KIAA1217: variants seen among roughly 807,000 people sequenced by gnomAD.
KIAA1217 encodes the protein sickle tail protein homolog.
A neutral mutation model predicts 163.9 loss-of-function variants in KIAA1217; 88 were observed. The ratio of observed to expected loss-of-function variants is 0.54; its 90% CI spans 0.45 to 0.64. KIAA1217 has a LOEUF of 0.64. KIAA1217 is among the 30% of genes least tolerant of loss of function. The pLI is 0.00. For missense variants in KIAA1217, 2,372 were observed against 2,475.0 expected (o/e 0.96, Z 0.88); for synonymous variants, 903 against 923.1 (o/e 0.98, Z 0.39).
intron 2 of KIAA1217, among the ~76,000 whole-genome samples, chr10:24,327,499 G>C (rs752356071): frequency 4.0e-4 from 61 of 152,030 alleles, no homozygotes; most frequent in Non-Finnish European, 7.9e-4. Flanking sequence ...TTTTTTGTTT[G>C]TTTGTTTTTG....
Position 24,546,257 on chromosome 10 carries a change from C to A in KIAA1217, c.5765C>A (p.Thr1922Asn), listed in dbSNP as rs1035500008. ...AGGACCATCCATACTCCCAGCCTCA[C>A]CAGCTACAAGGCACAGAATGGAAGT... ...GTRTIHTPSL[T>N]SYKAQNGSSS... is the part of the protein sequence containing the mutation. Residue 1922 changes from threonine to asparagine, a missense_variant, in exon 21 of 21, where the codon ACC (threonine) becomes AAC (asparagine). Thr to Asn is a moderately conservative substitution (Grantham distance 65). Around this residue, in one of 3 missense-constraint regions of KIAA1217, gnomAD observed 690 missense variants for 677.5 expected, o/e 1.02. Transcript: ENST00000376454. The A allele has an allele frequency of 6.2e-7, 1 of 1,614,038 alleles. No individual in the cohort carries two copies. Among genetic ancestry groups the A allele is most frequent in the African/African-American group, 1.3e-5 (1 of 74,914 alleles).
At chr10:23,736,895 T>C (rs1312560745) in intron 1 of KIAA1217, among the ~76,000 whole-genome samples, 1 of 152,212 alleles carries the variant, frequency 6.6e-6, no homozygotes, top group African/African-American at 2.4e-5. Context: ...TTCTGGGCTA[T>C]TCTTGGCCTT....
chr10:24,350,787 A>G (rs2048357957), intron 2 of KIAA1217, among the ~76,000 whole-genome samples: 1 of 151,642 alleles, frequency 6.6e-6, no homozygotes, highest in Non-Finnish European at 1.5e-5. Context: ...CATGGGAGTT[A>G]GCTGACAGGA....
chr10:23,979,511 A>G (rs989117195), intron 1 of KIAA1217, among the ~76,000 whole-genome samples: 6 of 152,142 alleles, frequency 3.9e-5, no homozygotes, highest in Non-Finnish European at 8.8e-5. Flanking sequence ...TGTGTATGTC[A>G]TTCTTTTTTT....
chr10:23,963,860 T>C (rs565603886), intron 1 of KIAA1217, among the ~76,000 whole-genome samples: 5 of 152,026 alleles, frequency 3.3e-5, no homozygotes, highest in Non-Finnish European at 7.4e-5. Context: ...ATTTCTCTAA[T>C]GAACAGTGAT....
chr10:24,214,623 G>A (rs374217047), intron 1 of KIAA1217, among the ~76,000 whole-genome samples: 7 of 152,292 alleles, frequency 4.6e-5, no homozygotes, highest in South Asian at 2.1e-4. Context: ...GCAGAAGAGC[G>A]TTCTGGTCGA....
intron 2 of KIAA1217, among the ~76,000 whole-genome samples, chr10:24,301,024 G>A (rs1195444496): frequency 2.6e-5 from 4 of 152,144 alleles, no homozygotes; most frequent in African/African-American, 9.7e-5. Flanking sequence ...TGTTGGCCAA[G>A]CCTGTCTTGA....
At chr10:24,041,943 C>CGTGTGT (rs147819815) in intron 2 of KIAA1217, among the ~76,000 whole-genome samples, 4 of 149,408 alleles carry the variant, frequency 2.7e-5, no homozygotes, top group Admixed American at 6.7e-5. Flanking sequence ...AAGGGAGTAT[C>CGTGTGT]GTGTGTGTGT....
chr10:24,349,009 A>G (rs770994842), intron 2 of KIAA1217, among the ~76,000 whole-genome samples: 1 of 151,816 alleles, frequency 6.6e-6, no homozygotes. Context: ...AATTTTGCCT[A>G]TAGTTTCAGC....
At chr10:24,254,641 T>A (rs1359480038) in intron 2 of KIAA1217, among the ~76,000 whole-genome samples, 4 of 152,206 alleles carry the variant, frequency 2.6e-5, no homozygotes. Context: ...TTCACATGAC[T>A]GCACTGCCTT....
At chr10:23,873,850 C>G (rs1840570808) in intron 1 of KIAA1217, among the ~76,000 whole-genome samples, 1 of 152,008 alleles carries the variant, frequency 6.6e-6, no homozygotes. Context: ...TGTAGCACGA[C>G]AGTAAGGCAT....
intron 1 of KIAA1217, among the ~76,000 whole-genome samples, chr10:23,933,157 G>A (rs1021394777): frequency 6.6e-6 from 1 of 152,166 alleles, no homozygotes; most frequent in African/African-American, 2.4e-5. Flanking sequence ...GTGGAGCTAG[G>A]GTCTGCTCGC....
chr10:24,261,653 G>A (rs2075738680), intron 2 of KIAA1217, among the ~76,000 whole-genome samples: 1 of 152,110 alleles, frequency 6.6e-6, no homozygotes, highest in Non-Finnish European at 1.5e-5. Context: ...TTAGACAGTG[G>A]AACCCTCCAT....
rs190645985 is a variant in KIAA1217, at chr10:24,504,309, G to T, written c.2001+2764G>T. On this transcript the variant is annotated intron_variant, in intron 9 of 20. Coordinates refer to ENST00000376454, the MANE Select transcript of KIAA1217 (RefSeq NM_019590.5). ...TGAGCAAATGTGCTTTTGAGCCTGG[G>T]AAGTTGGGCAGTTCTAAAGCGCAGA... Among the ~76,000 whole-genome samples the T allele has an allele frequency of 2.6e-5, 4 of 152,300 alleles. No individual in the cohort carries two copies. The East Asian group carries it at 7.7e-4, about 29-fold the overall frequency.
chr10:24,271,571 C>T (rs1299821022), intron 2 of KIAA1217, among the ~76,000 whole-genome samples: 4 of 151,958 alleles, frequency 2.6e-5, no homozygotes, highest in Non-Finnish European at 5.9e-5. Context: ...GGCAACGTGG[C>T]AAAACCCCAT....
chr10:24,362,001 A>G (rs866254741), intron 2 of KIAA1217, among the ~76,000 whole-genome samples: 32 of 124,770 alleles, frequency 2.6e-4, no homozygotes, highest in East Asian at 8.9e-4. Context: ...AAAAAAAAAA[A>G]AAAGAAAGAA....
intron 1 of KIAA1217, among the ~76,000 whole-genome samples, chr10:23,940,169 T>G (rs1843695696): frequency 6.6e-6 from 1 of 151,956 alleles, no homozygotes; most frequent in Non-Finnish European, 1.5e-5. Flanking sequence ...ATTAGAAATT[T>G]CAGCAGTTGG....
intron 1 of KIAA1217, among the ~76,000 whole-genome samples, chr10:23,798,897 G>T (rs556308864): frequency 1.3e-5 from 2 of 152,210 alleles, no homozygotes; most frequent in East Asian, 1.9e-4. Context: ...GCATGACAAA[G>T]TACCACAAAC....
intron 2 of KIAA1217, among the ~76,000 whole-genome samples, chr10:24,008,669 T>C (rs1564607045): frequency 6.6e-6 from 1 of 152,108 alleles, no homozygotes; most frequent in Non-Finnish European, 1.5e-5. Context: ...TTACCCTGAC[T>C]TCCCTTTGTA....
Sources: allele counts gnomAD v4.1 joint callset (sites outside exome capture counted in the v4.1 genomes callset), GRCh38; gene constraint gnomAD v4.1.1; regional missense constraint gnomAD v4.1.1; transcripts MANE v1.5; gene names NCBI Gene and HGNC (gene_info 2026-07-23, HGNC 2026-07-21).